The following PDE10A variants were observed in gnomAD, a reference collection of about 807,000 sequenced individuals.
The protein encoded by PDE10A is cAMP and cAMP-inhibited cGMP 3',5'-cyclic phosphodiesterase 10A.
A neutral mutation model predicts 97.7 loss-of-function variants in PDE10A; 39 were observed. The ratio of observed to expected loss-of-function variants is 0.40; its 90% CI spans 0.31 to 0.52. PDE10A has a LOEUF of 0.52. Among genes scored for constraint, PDE10A ranks in the 20% least tolerant of loss-of-function variants. PDE10A has a pLI of 0.56. For synonymous variants in PDE10A, 371 were observed against 376.8 expected, an observed-to-expected ratio of 0.98 and a Z score of 0.18; for missense variants, 731 against 1,047.8, an observed-to-expected ratio of 0.70 and a Z score of 4.17.
intron 1 of PDE10A, among the ~76,000 whole-genome samples, chr6:165,845,074 T>C (rs1780374595): frequency 6.6e-6 from 1 of 152,268 alleles, no homozygotes; most frequent in Admixed American, 6.5e-5. Flanking sequence ...CATAAAAACT[T>C]CTGCTGATTT....
chr6:165,608,278 A>G (rs1787322145), intron 1 of PDE10A, among the ~76,000 whole-genome samples: 1 of 84,178 alleles, frequency 1.2e-5, no homozygotes, highest in South Asian at 4.8e-4. Context: ...ACCCCACAAC[A>G]GGCGCCAGTG....
At chr6:165,729,865 A>G (rs559225678) in intron 1 of PDE10A, among the ~76,000 whole-genome samples, 1 of 152,320 alleles carries the variant, frequency 6.6e-6, no homozygotes, top group East Asian at 1.9e-4. Context: ...TGCAAGCTGG[A>G]AGAGAATGGA....
At chr6:165,453,735 AT>A (rs372454871) in intron 3 of PDE10A, among the ~76,000 whole-genome samples, 32 of 152,200 alleles carry the variant, frequency 2.1e-4, no homozygotes, top group African/African-American at 7.7e-4. Flanking sequence ...CTCTACCTAG[AT>A]TTCAAAGGAT....
intron 1 of PDE10A, among the ~76,000 whole-genome samples, chr6:165,938,237 C>T (rs34527299): frequency 0.29 from 44,786 of 152,050 alleles, 7,289 homozygotes; most frequent in African/African-American, 0.41. Flanking sequence ...TTGTGGGCAA[C>T]CAGAGCAGCT....
intron 1 of PDE10A, among the ~76,000 whole-genome samples, chr6:165,668,243 TA>T (rs775782540): frequency 6.6e-6 from 1 of 152,194 alleles, no homozygotes; most frequent in East Asian, 1.9e-4. Flanking sequence ...ACATTCTGGA[TA>T]AAAAGGGTTG....
intron 2 of PDE10A, among the ~76,000 whole-genome samples, chr6:165,534,627 T>G (rs959248976): frequency 3.9e-5 from 6 of 152,040 alleles, no homozygotes; most frequent in Admixed American, 3.9e-4. Flanking sequence ...TATCTAAACA[T>G]GTAAAGATGG....
chr6:165,781,303 T>C (rs1778335276), intron 1 of PDE10A: 1 of 152,100 alleles, frequency 6.6e-6, no homozygotes, highest in African/African-American at 2.4e-5. Context: ...TTAAAATAAA[T>C]ACCCCATCTC....
At chr6:165,638,225 G>A (rs960818327) in intron 1 of PDE10A, among the ~76,000 whole-genome samples, 11 of 151,800 alleles carry the variant, frequency 7.2e-5, no homozygotes, top group African/African-American at 2.7e-4. Flanking sequence ...AACCCTTTCT[G>A]TTTGGCGATG....
chr6:165,390,879 T>C (rs1013935773), intron 16 of PDE10A, among the ~76,000 whole-genome samples: 4 of 152,176 alleles, frequency 2.6e-5, no homozygotes, highest in Admixed American at 2.6e-4. Flanking sequence ...TTAACAATCA[T>C]ACTCGCCTGG....
chr6:165,337,556 C>T (rs1039627613), intron 20 of PDE10A, among the ~76,000 whole-genome samples: 6 of 152,012 alleles, frequency 3.9e-5, no homozygotes, highest in African/African-American at 9.7e-5. Context: ...GCACAAGATC[C>T]CAGAAAAGAT....
intron 1 of PDE10A, among the ~76,000 whole-genome samples, chr6:165,788,518 C>CAAAAAAAAAAAAAAAAAAA (rs56927613): frequency 1.1e-4 from 8 of 74,754 alleles, no homozygotes; most frequent in African/African-American, 2.4e-4. Context: ...AACTCTGTCT[C>CAAAAAAAAAAAAAAAAAAA]AAAAAAAAAA....
intron 18 of PDE10A, among the ~76,000 whole-genome samples, chr6:165,346,171 C>T (rs1782295225): frequency 6.6e-6 from 1 of 152,150 alleles, no homozygotes; most frequent in Admixed American, 6.5e-5. Flanking sequence ...AAGAGGATCA[C>T]TCAGGTCTGC....
At chr6:165,948,576 G>T (rs1783853940) in intron 1 of PDE10A, 1 of 152,348 alleles carries the variant, frequency 6.6e-6, no homozygotes, top group African/African-American at 2.4e-5. Flanking sequence ...GCTCTCCCGT[G>T]TTTCCAGCAA....
chr6:165,874,778 G>T (rs1395191367), intron 1 of PDE10A, among the ~76,000 whole-genome samples: 1 of 152,154 alleles, frequency 6.6e-6, no homozygotes, highest in Non-Finnish European at 1.5e-5. Flanking sequence ...CCCATATCCA[G>T]TATGGCGTAG....
At chr6:165,469,987 C>T (rs969164307) in intron 3 of PDE10A, among the ~76,000 whole-genome samples, 2 of 152,202 alleles carry the variant, frequency 1.3e-5, no homozygotes, top group Admixed American at 1.3e-4. Flanking sequence ...TGGGTCCCAT[C>T]ACTTTAGCCC....
intron 3 of PDE10A, among the ~76,000 whole-genome samples, chr6:165,480,950 G>T (rs1198486406): frequency 6.6e-6 from 1 of 152,164 alleles, no homozygotes; most frequent in African/African-American, 2.4e-5. Flanking sequence ...ATTTCTCAGA[G>T]ATGCGCTTTT....
intron 2 of PDE10A, among the ~76,000 whole-genome samples, chr6:165,525,861 G>C (rs1401173979): frequency 6.6e-6 from 1 of 152,066 alleles, no homozygotes; most frequent in African/African-American, 2.4e-5. Flanking sequence ...GGTGTTCCTA[G>C]AAGTGAAACT....
chr6:165,620,346 C>T (rs749603366), intron 1 of PDE10A, among the ~76,000 whole-genome samples: 1 of 152,068 alleles, frequency 6.6e-6, no homozygotes, highest in Non-Finnish European at 1.5e-5. Flanking sequence ...TAGAAATGGC[C>T]AAAGAGATGC....
At chr6:165,986,520 TC>T (rs1785227050) in intron 1 of PDE10A, 1 of 145,492 alleles carries the variant, frequency 6.9e-6, no homozygotes, top group Non-Finnish European at 1.5e-5. Context: ...TCTGTCTCTC[TC>T]TCTCTCTCTC....
Sources: allele counts gnomAD v4.1 joint callset (sites outside exome capture counted in the v4.1 genomes callset), GRCh38; gene constraint gnomAD v4.1.1; transcripts MANE v1.5; gene names NCBI Gene and HGNC (gene_info 2026-07-23, HGNC 2026-07-21).